Variants in KDM2A observed in about 807,000 individuals in gnomAD.
KDM2A encodes lysine demethylase 2A.
In KDM2A, 3 loss-of-function variants were observed where a neutral mutation model predicts 137.3. The ratio of observed to expected loss-of-function variants is 0.02; its 90% CI spans 0.01 to 0.06. The LOEUF (loss-of-function observed/expected upper bound fraction) is 0.06, where lower values mean the gene tolerates loss of function less well. Ranked by LOEUF, KDM2A falls within the 10% of genes least tolerant of loss-of-function variation. The pLI, the probability that KDM2A is intolerant of heterozygous loss-of-function variation, is 1.00. For missense variants in KDM2A, 738 were observed against 1,510.6 expected (o/e 0.49, Z 8.48); for synonymous variants, 512 against 541.5 (o/e 0.95, Z 0.76).
chr11:67,214,580 C>T (rs1195692162), intron 6 of KDM2A, among the ~76,000 whole-genome samples: 1 of 152,170 alleles, frequency 6.6e-6, no homozygotes, highest in Non-Finnish European at 1.5e-5. Flanking sequence ...CTCAGGTGAT[C>T]CGCCTGCCTT....
intron 2 of KDM2A, among the ~76,000 whole-genome samples, chr11:67,171,626 G>T (rs1856884294): frequency 6.6e-6 from 1 of 152,166 alleles, no homozygotes; most frequent in South Asian, 2.1e-4. Context: ...GTTAGCTTGG[G>T]TCAGCTTTAC....
intron 15 of KDM2A, among the ~76,000 whole-genome samples, chr11:67,247,072 T>TATATATATATAA (rs1491570916): frequency 1.1e-3 from 21 of 18,340 alleles, no homozygotes; most frequent in Admixed American, 3.5e-3. Context: ...TATATATATA[T>TATATATATATAA]TTTTTTTTTT....
At chr11:67,131,730 C>G (rs1855859601) in intron 2 of KDM2A, among the ~76,000 whole-genome samples, 2 of 152,136 alleles carry the variant, frequency 1.3e-5, no homozygotes, top group Non-Finnish European at 2.9e-5. Flanking sequence ...CATTTTCTTG[C>G]TAACGTCTGT....
At chr11:67,159,625 C>T (rs574880811) in intron 2 of KDM2A, among the ~76,000 whole-genome samples, 2 of 152,208 alleles carry the variant, frequency 1.3e-5, no homozygotes, top group South Asian at 4.1e-4. Flanking sequence ...TACATTTTGC[C>T]ATTTGCAACT....
At chr11:67,253,754 C>T (rs1466985611) in intron 19 of KDM2A, 143 bp downstream of exon 19, 4 of 842,448 alleles carry the variant, frequency 4.7e-6, no homozygotes, top group Non-Finnish European at 5.7e-6. Context: ...GAATGATGGA[C>T]TGTGTACAAG....
intron 15 of KDM2A, among the ~76,000 whole-genome samples, chr11:67,247,077 T>TA (rs1198408004): frequency 2.7e-5 from 2 of 72,822 alleles, no homozygotes; most frequent in African/African-American, 1.3e-4. Flanking sequence ...ATATATTTTT[T>TA]TTTTTTTTTT....
Position 67,253,615 on chromosome 11 carries a change from T to G in KDM2A, c.3091+4T>G. 1 of 1,613,828 alleles carries G rather than the reference T, an allele frequency of 6.2e-7. No individual in the cohort carries two copies. The highest frequency in any genetic ancestry group is 8.5e-7 in the Non-Finnish European group (1 of 1,179,768). On this transcript the variant is annotated splice_donor_region_variant and intron_variant, in intron 19 of 20. Coordinates refer to ENST00000529006, the MANE Select transcript of KDM2A (RefSeq NM_012308.3). ...ACTCCACCGGCTGATAAACCAGGTA[T>G]GCTCTGGACCTGACTTCTCTGTGCT...
chr11:67,204,738 A>G (rs1204642893), intron 5 of KDM2A, among the ~76,000 whole-genome samples: 2 of 151,736 alleles, frequency 1.3e-5, no homozygotes, highest in African/African-American at 4.8e-5. Flanking sequence ...TGATCCACCC[A>G]CCTCGACCTC....
At position 67,248,334 on chromosome 11, in the gene KDM2A, A is replaced by G; in HGVS notation, c.2019A>G (p.Pro673=). The change falls in exon 16 of 21, where the codon CCA becomes CCG. Residue 673 remains proline (P), a synonymous_variant. Transcript: ENST00000529006. ...AATTGCCAAATTGCTGGGAATGTCC[A>G]AAGTGCTACCAGGAGGACAGCTCGG... is the stretch of plus-strand genomic sequence containing the variant. The part of the protein sequence containing the change: ...NEELPNCWEC[P]KCYQEDSSEK... The G allele has an allele frequency of 1.2e-6, 2 of 1,608,126 alleles. No individual in the cohort carries two copies. Among genetic ancestry groups the G allele is most frequent in the Non-Finnish European group, 8.5e-7 (1 of 1,177,176 alleles).
chr11:67,187,854 C>T (rs145207794), intron 5 of KDM2A, among the ~76,000 whole-genome samples: 3 of 152,144 alleles, frequency 2.0e-5, no homozygotes, highest in East Asian at 1.9e-4. Flanking sequence ...GGATTATAGG[C>T]GTGAGCCATG....
chr11:67,192,047 A>G (rs1429592925), intron 5 of KDM2A, among the ~76,000 whole-genome samples: 2 of 152,132 alleles, frequency 1.3e-5, no homozygotes, highest in African/African-American at 4.8e-5. Context: ...CAAAATGAAC[A>G]CCCATCTATA....
chr11:67,250,422 T>C lies in KDM2A; in HGVS notation c.2392T>C (p.Tyr798His). 1.9e-6 allele frequency: 3 copies of C among 1,614,036 alleles called. No homozygotes were observed. The highest frequency in any genetic ancestry group is 2.5e-6 in the Non-Finnish European group (3 of 1,179,890). Residue 798 changes from tyrosine to histidine, a missense_variant, in exon 17 of 21, where the codon TAC becomes CAC. Coordinates refer to ENST00000529006, the MANE Select transcript of KDM2A (RefSeq NM_012308.3). This position sits in a 1 kb window ranked among gnomAD's most constrained non-coding sequence, Gnocchi z 7.1. ...TGAGAAAGCCAAGATCCGGGGATCGTACCTCACTGTCACGCTACAGAGGCC... is the reference window on the plus strand; with the variant it reads ...TGAGAAAGCCAAGATCCGGGGATCGCACCTCACTGTCACGCTACAGAGGCC... ...EVEKAKIRGSYLTVTLQRPTK... is the reference protein window; with the variant it reads ...EVEKAKIRGSHLTVTLQRPTK...
intron 6 of KDM2A, among the ~76,000 whole-genome samples, chr11:67,214,566 C>T (rs370197439): frequency 1.1e-4 from 17 of 152,152 alleles, no homozygotes; most frequent in African/African-American, 4.1e-4. Flanking sequence ...CTTGAACTTC[C>T]GACCTCAGGT....
chr11:67,210,209 A>T (rs1422638660), intron 6 of KDM2A, among the ~76,000 whole-genome samples: 1 of 152,010 alleles, frequency 6.6e-6, no homozygotes, highest in African/African-American at 2.4e-5. Context: ...CTCTATAGAA[A>T]AATTAGCCAG....
At position 67,255,469 on chromosome 11, in the gene KDM2A, C is replaced by T. The variant is rs1376554718; in HGVS notation, c.*414C>T. ...CTCCCAGGGAAGAAAACGGCCCTGTCTCCATGGCCAGGTTCTTGTGGTGTC... is the reference window on the plus strand; with the variant it reads ...CTCCCAGGGAAGAAAACGGCCCTGTTTCCATGGCCAGGTTCTTGTGGTGTC... On this transcript the variant is annotated 3_prime_UTR_variant, in exon 21 of 21. Transcript: ENST00000529006. 1 of 459,436 alleles carries T rather than the reference C, an allele frequency of 2.2e-6. No homozygotes were observed. The highest frequency in any genetic ancestry group is 2.0e-5 in the African/African-American group (1 of 50,178). 28.5% of individuals were successfully genotyped at this position (459,436 alleles called of 1,614,324 possible).
intron 2 of KDM2A, among the ~76,000 whole-genome samples, chr11:67,150,280 C>A (rs1314973293): frequency 6.6e-6 from 1 of 152,094 alleles, no homozygotes; most frequent in Non-Finnish European, 1.5e-5. Context: ...CAACTAAGGG[C>A]CACAGGTATT....
chr11:67,170,208 A>G (rs1440975409), intron 2 of KDM2A, among the ~76,000 whole-genome samples: 2 of 152,162 alleles, frequency 1.3e-5, no homozygotes, highest in African/African-American at 4.8e-5. Flanking sequence ...TTTTCATTTC[A>G]GCCAGAATAG....
intron 5 of KDM2A, among the ~76,000 whole-genome samples, chr11:67,205,451 G>A (rs894910468): frequency 2.0e-5 from 3 of 152,000 alleles, no homozygotes; most frequent in African/African-American, 4.8e-5. Flanking sequence ...TCCAGCCAGG[G>A]CAGGTGTTTG....
chr11:67,150,150 A>G (rs1856352949), intron 2 of KDM2A, among the ~76,000 whole-genome samples: 1 of 152,258 alleles, frequency 6.6e-6, no homozygotes, highest in African/African-American at 2.4e-5. Flanking sequence ...TAAAGGGAAG[A>G]AACTAAAAAG....
Sources: allele counts gnomAD v4.1 joint callset (sites outside exome capture counted in the v4.1 genomes callset), GRCh38; gene constraint gnomAD v4.1.1; non-coding constraint Gnocchi (gnomAD v3.1); transcripts MANE v1.5; gene names NCBI Gene and HGNC (gene_info 2026-07-23, HGNC 2026-07-21).